AOPEP: variants seen among roughly 807,000 people sequenced by gnomAD.
AOPEP encodes aminopeptidase O (putative).
A neutral mutation model predicts 98.1 loss-of-function variants in AOPEP; 77 were observed. That is an observed-to-expected ratio of 0.78 (90% CI 0.65 to 0.95). The LOEUF (loss-of-function observed/expected upper bound fraction) is 0.95. AOPEP is among the 40% of genes least tolerant of loss of function. The pLI is 0.00. For missense variants in AOPEP, 1,024 were observed against 1,024.7 expected, an observed-to-expected ratio of 1.00 and a Z score of 0.01; for synonymous variants, 346 against 365.3, an observed-to-expected ratio of 0.95 and a Z score of 0.60.
At chr9:94,729,826 G>GA (rs1830102178) in intron 1 of AOPEP, among the ~76,000 whole-genome samples, 1 of 152,196 alleles carries the variant, frequency 6.6e-6, no homozygotes, top group East Asian at 1.9e-4. Flanking sequence ...CATAGAGTCA[G>GA]AGGAAGCAGA....
intron 5 of AOPEP, among the ~76,000 whole-genome samples, chr9:94,842,348 G>A (rs1164535108): frequency 1.3e-5 from 2 of 152,224 alleles, no homozygotes; most frequent in African/African-American, 4.8e-5. Flanking sequence ...GGGACAAAGC[G>A]AGACTCCGTC....
At chr9:95,144,161 T>G in the AOPEP span, among the ~76,000 whole-genome samples, 1 of 152,152 alleles carries the variant, frequency 6.6e-6, no homozygotes, top group South Asian at 2.1e-4. Flanking sequence ...GCTGGTAATT[T>G]GCACTGATTG....
intron 13 of AOPEP, among the ~76,000 whole-genome samples, chr9:95,041,479 G>GTGTGTGTGTC (rs769423297): frequency 1.4e-4 from 22 of 151,770 alleles, no homozygotes; most frequent in Admixed American, 3.3e-4. Flanking sequence ...GTGTGTGTGT[G>GTGTGTGTGTC]TGGAGAGGGA....
intron 5 of AOPEP, among the ~76,000 whole-genome samples, chr9:94,810,247 G>C (rs1265887614): frequency 2.6e-5 from 4 of 151,966 alleles, no homozygotes; most frequent in African/African-American, 9.7e-5. Flanking sequence ...CTCTGGAAAA[G>C]TAAGGGGGTG....
the AOPEP span, among the ~76,000 whole-genome samples, chr9:95,130,314 G>A: frequency 6.6e-6 from 1 of 152,100 alleles, no homozygotes; most frequent in African/African-American, 2.4e-5. Flanking sequence ...GAGAGAGAGA[G>A]AGAGAGAGAA....
At chr9:95,104,974 G>A in the AOPEP span, among the ~76,000 whole-genome samples, 1 of 152,228 alleles carries the variant, frequency 6.6e-6, no homozygotes, top group Non-Finnish European at 1.5e-5. Context: ...ATTTCGCTCA[G>A]TGTAAAGCCC....
At chr9:95,079,062 G>A (rs930430102) in intron 14 of AOPEP, among the ~76,000 whole-genome samples, 3 of 152,228 alleles carry the variant, frequency 2.0e-5, no homozygotes, top group Non-Finnish European at 4.4e-5. Flanking sequence ...TCTGAGGGCA[G>A]AGGCTATCAG....
chr9:94,806,365 G>A (rs919801387), intron 5 of AOPEP, among the ~76,000 whole-genome samples: 2 of 151,970 alleles, frequency 1.3e-5, no homozygotes, highest in African/African-American at 4.8e-5. Context: ...TTCCCCTGTT[G>A]TGTGGTATAA....
chr9:95,060,882 G>A, intron 14 of AOPEP, 72 bp downstream of exon 14: 1 of 948,426 alleles, frequency 1.1e-6, no homozygotes. Context: ...TCCCATTGCA[G>A]TCCCAAACTA....
At chr9:95,075,869 T>TCAAACAAA (rs374575150) in intron 14 of AOPEP, among the ~76,000 whole-genome samples, 5 of 152,110 alleles carry the variant, frequency 3.3e-5, no homozygotes, top group African/African-American at 1.2e-4. Flanking sequence ...ACACCCTGCC[T>TCAAACAAA]CAAACAAACA....
At chr9:94,956,333 G>A (rs1466601909) in intron 9 of AOPEP, among the ~76,000 whole-genome samples, 1 of 152,184 alleles carries the variant, frequency 6.6e-6, no homozygotes, top group Admixed American at 6.5e-5. Context: ...CTAGTTTTCA[G>A]TTTGAACGCC....
At chr9:94,791,357 G>A (rs1404091113) in intron 3 of AOPEP, among the ~76,000 whole-genome samples, 4 of 151,970 alleles carry the variant, frequency 2.6e-5, no homozygotes, top group Non-Finnish European at 1.5e-5. Context: ...AGGGTGGGAG[G>A]AGGGTGAGGA....
the AOPEP span, chr9:95,135,390 T>TTC: frequency 1.2e-6 from 2 of 1,614,090 alleles, no homozygotes. Context: ...CTCAGACAAT[T>TTC]TCTCTCACTG....
At chr9:95,074,138 C>T (rs879367174) in intron 14 of AOPEP, among the ~76,000 whole-genome samples, 1 of 152,160 alleles carries the variant, frequency 6.6e-6, no homozygotes, top group Non-Finnish European at 1.5e-5. Context: ...CTTCCTTCCA[C>T]GTGCTTTTTG....
At position 94,756,809 on chromosome 9, in the gene AOPEP, CTT is replaced by C. The variant is rs368079223; in HGVS notation, c.-135-2839_-135-2838del. On this transcript the variant is annotated intron_variant, in intron 1 of 16. Coordinates refer to ENST00000375315, the MANE Select transcript of AOPEP (RefSeq NM_001193329.3). ...TGACCACAGAGAACCATTTTTCTCT[CTT>C]CCTCCAGGCCTTAAGTCTTACCTGA... Among the ~76,000 whole-genome samples, 59 of 152,240 alleles carry C rather than the reference CTT, an allele frequency of 3.9e-4. 1 individual carries two copies. The East Asian group carries it at 0.011, about 27-fold the overall frequency.
intron 13 of AOPEP, among the ~76,000 whole-genome samples, chr9:95,058,660 C>G (rs1250567313): frequency 6.6e-6 from 1 of 152,134 alleles, no homozygotes; most frequent in African/African-American, 2.4e-5. Flanking sequence ...TGTGGCCTGG[C>G]CTGGGTACCC....
At chr9:95,056,747 A>G (rs1467291207) in intron 13 of AOPEP, among the ~76,000 whole-genome samples, 1 of 152,194 alleles carries the variant, frequency 6.6e-6, no homozygotes, top group South Asian at 2.1e-4. Context: ...TTCTTTGTAC[A>G]GTTCTTAGTA....
At chr9:95,073,815 C>T (rs1018861479) in intron 14 of AOPEP, among the ~76,000 whole-genome samples, 15 of 152,080 alleles carry the variant, frequency 9.9e-5, no homozygotes, top group African/African-American at 2.7e-4. Flanking sequence ...GCCGAGATCG[C>T]GTCACTGTAC....
chr9:94,740,890 A>G (rs569667705), intron 1 of AOPEP, among the ~76,000 whole-genome samples: 2 of 152,378 alleles, frequency 1.3e-5, no homozygotes, highest in Admixed American at 6.5e-5. Flanking sequence ...AGTGAAGACT[A>G]AATGAGTTAA....
Sources: allele counts gnomAD v4.1 joint callset (sites outside exome capture counted in the v4.1 genomes callset), GRCh38; gene constraint gnomAD v4.1.1; transcripts MANE v1.5; gene names NCBI Gene and HGNC (gene_info 2026-07-23, HGNC 2026-07-21).